UGGT1: variants seen among roughly 807,000 people sequenced by gnomAD.
UGGT1 encodes UDP-glucose:glycoprotein glucosyltransferase 1.
UGGT1 carries 107 observed loss-of-function variants against 203.9 expected under a neutral mutation model. The ratio of observed to expected loss-of-function variants is 0.52; its 90% CI spans 0.45 to 0.62. UGGT1 has a LOEUF of 0.62. Ranked by LOEUF, UGGT1 falls within the 20% of genes least tolerant of loss-of-function variation. The pLI, the probability that UGGT1 is intolerant of heterozygous loss-of-function variation, is 0.00. For synonymous variants in UGGT1, 628 were observed against 653.5 expected (o/e 0.96, Z 0.59); for missense variants, 1,673 against 1,867.2 (o/e 0.90, Z 1.92).
chr2:128,185,434 T>G (rs1423645574), intron 38 of UGGT1, among the ~76,000 whole-genome samples: 39 of 150,972 alleles, frequency 2.6e-4, no homozygotes, highest in Non-Finnish European at 4.1e-4. Flanking sequence ...CCTCCCAAAG[T>G]GCTGGGATTG....
rs1299076449 is a variant in UGGT1, at chr2:128,127,303, T to C, written c.1135-58T>C. 4 of 1,270,288 alleles carry C rather than the reference T, an allele frequency of 3.1e-6. No homozygotes were observed. The South Asian group carries it at 5.1e-5, about 16-fold the overall frequency. 78.7% of individuals were successfully genotyped at this position (1,270,288 alleles called of 1,614,324 possible). On this transcript the variant is annotated intron_variant, in intron 11 of 40. Transcript: ENST00000259253. ...TACAGGTAGTGAAGCCCAGAAACAA[T>C]AAAATTTTTTTTAAAACATTCTCTC...
chr2:128,138,851 A>G lies in UGGT1; in HGVS notation c.1718A>G (p.His573Arg), dbSNP rs759067675. ...TATCATGCCTTCCAGACTCTGACAC[A>G]TGTACGTTTTTGTTCAGAATGGCAA... is the stretch of plus-strand genomic sequence containing the variant. Reference protein sequence around the residue: ...DDYHAFQTLTHIYNKVRTGEK... With the variant: ...DDYHAFQTLTRIYNKVRTGEK... Residue 573 changes from histidine to arginine, a missense_variant and splice_region_variant, in exon 16 of 41, where the codon CAT becomes CGT. Transcript: ENST00000259253. 10 of 1,611,914 alleles carry G rather than the reference A, an allele frequency of 6.2e-6. No homozygotes were observed. In the East Asian group the frequency reaches 6.7e-5, roughly 11 times the overall value.
At chr2:128,104,064 A>G in intron 3 of UGGT1, 50 bp downstream of exon 3, 1 of 1,437,890 alleles carries the variant, frequency 7.0e-7, no homozygotes, top group Admixed American at 2.4e-5. Context: ...GGAAAATATT[A>G]GGAAAAAATT....
At chr2:128,161,356 T>C in intron 25 of UGGT1, 88 bp downstream of exon 25, 3 of 1,440,782 alleles carry the variant, frequency 2.1e-6, no homozygotes, top group Admixed American at 2.1e-5. Context: ...TTACTCATAC[T>C]ACATATCCCA....
At chr2:128,146,866 G>T (rs1689714142) in intron 18 of UGGT1, among the ~76,000 whole-genome samples, 1 of 152,204 alleles carries the variant, frequency 6.6e-6, no homozygotes, top group African/African-American at 2.4e-5. Flanking sequence ...AGAACAGGAT[G>T]ATATTGGACA....
intron 8 of UGGT1, among the ~76,000 whole-genome samples, chr2:128,118,740 ACAGGCT>A (rs1460391550): frequency 6.6e-6 from 1 of 151,644 alleles, no homozygotes; most frequent in African/African-American, 2.4e-5. Context: ...TTTGTTTGAG[ACAGGCT>A]CAGTCTGTCA....
At position 128,161,206 on chromosome 2, in the gene UGGT1, C is replaced by T. The variant is rs1272717329; in HGVS notation, c.2763C>T (p.Ile921=). 1 of 1,614,018 alleles carries T rather than the reference C, an allele frequency of 6.2e-7. No individual in the cohort carries two copies. The highest frequency in any genetic ancestry group is 8.5e-7 in the Non-Finnish European group (1 of 1,179,970). Residue 921 remains isoleucine (I), a synonymous_variant, in exon 25 of 41, where the codon ATC becomes ATT. Transcript: ENST00000259253. ...QDDFHLLENI[I]LKTSGQKIKS... Reference sequence around the variant, plus strand: ...ATTTCCACCTCCTCGAAAATATCATCTTAAAAACCTCAGGACAGAAAATAA... The same window carrying T: ...ATTTCCACCTCCTCGAAAATATCATTTTAAAAACCTCAGGACAGAAAATAA...
At chr2:128,187,405 G>T (rs766723028) in intron 39 of UGGT1, 44 bp from the exon 40 acceptor site, 1 of 1,586,484 alleles carries the variant, frequency 6.3e-7, no homozygotes, top group South Asian at 1.1e-5. Flanking sequence ...CTATCATGTG[G>T]CCTTTCTTCA....
chr2:128,129,166 G>A lies in UGGT1; in HGVS notation c.1364G>A (p.Ser455Asn), dbSNP rs762314655. ...SEADYAVDIR[S>N]PAISWVNNLE... ...GCAGACTATGCCGTAGACATCCGGA[G>A]TCCTGCTATTTCAGTGAGTATTTTG... The change falls in exon 13 of 41, where the codon AGT becomes AAT. Residue 455 changes from serine to asparagine, a missense_variant. Coordinates refer to ENST00000259253, the MANE Select transcript of UGGT1 (RefSeq NM_020120.4). 1.1e-5 allele frequency: 18 copies of A among 1,609,062 alleles called. No individual in the cohort carries two copies. Among genetic ancestry groups the A allele is most frequent in the Non-Finnish European group, 1.5e-5 (18 of 1,178,912 alleles).
chr2:128,098,783 G>A (rs891234316), intron 2 of UGGT1, among the ~76,000 whole-genome samples: 2 of 151,110 alleles, frequency 1.3e-5, no homozygotes, highest in African/African-American at 4.9e-5. Flanking sequence ...GTTATCTTAC[G>A]ATTAAAATGG....
chr2:128,146,062 A>G (rs1400133403), intron 18 of UGGT1, 95 bp downstream of exon 18: 9 of 1,463,106 alleles, frequency 6.2e-6, no homozygotes, highest in South Asian at 1.2e-5. Flanking sequence ...TAGTATCACT[A>G]TTTGGGAGGC....
intron 16 of UGGT1, among the ~76,000 whole-genome samples, chr2:128,141,414 T>C (rs1356418865): frequency 6.6e-6 from 1 of 151,996 alleles, no homozygotes; most frequent in Non-Finnish European, 1.5e-5. Flanking sequence ...CCATCCTGGC[T>C]TTAACACAGT....
At chr2:128,186,454 A>G (rs953718243) in intron 38 of UGGT1, among the ~76,000 whole-genome samples, 2 of 152,060 alleles carry the variant, frequency 1.3e-5, no homozygotes, top group East Asian at 3.8e-4. Flanking sequence ...TAAAAATACA[A>G]AAATTGGCCA....
intron 26 of UGGT1, 45 bp downstream of exon 26, chr2:128,164,870 C>T (rs1204824831): frequency 6.9e-7 from 1 of 1,439,392 alleles, no homozygotes; most frequent in Non-Finnish European, 9.4e-7. Flanking sequence ...GAATATTAAA[C>T]TCTTATGTTT....
Position 128,185,293 on chromosome 2 carries a change from G to A in UGGT1, c.4360-1390G>A, listed in dbSNP as rs796424510. ...CAGCTCACTGCAACCTCAGCCTCCC[G>A]AGCAGGTGGGATTACAGAGGCGTGC... On this transcript the variant is annotated intron_variant, in intron 38 of 40. Coordinates refer to ENST00000259253, the MANE Select transcript of UGGT1 (RefSeq NM_020120.4). Among the ~76,000 whole-genome samples the A allele has an allele frequency of 4.1e-5, 6 of 146,366 alleles. 1 individual carries two copies. Among genetic ancestry groups the A allele is most frequent in the African/African-American group, 1.5e-4 (6 of 39,490 alleles).
At chr2:128,185,832 A>G (rs773213232) in intron 38 of UGGT1, among the ~76,000 whole-genome samples, 5 of 152,178 alleles carry the variant, frequency 3.3e-5, no homozygotes, top group African/African-American at 7.2e-5. Context: ...ATCGCAGTCA[A>G]TCATTTCTGT....
intron 13 of UGGT1, among the ~76,000 whole-genome samples, chr2:128,131,701 C>T (rs1395234104): frequency 1.3e-5 from 2 of 152,150 alleles, no homozygotes; most frequent in Non-Finnish European, 2.9e-5. Flanking sequence ...GATCTCAGCT[C>T]ACTGCAACTT....
chr2:128,126,668 C>A (rs571785992), intron 11 of UGGT1, among the ~76,000 whole-genome samples: 1 of 149,410 alleles, frequency 6.7e-6, no homozygotes, highest in African/African-American at 2.5e-5. Context: ...ATGCTATTCA[C>A]CAGCTCAGGG....
At chr2:128,165,847 C>A (rs1000367964) in intron 26 of UGGT1, among the ~76,000 whole-genome samples, 11 of 152,058 alleles carry the variant, frequency 7.2e-5, no homozygotes, top group Non-Finnish European at 1.6e-4. Context: ...CTGCACCTTC[C>A]GCCTTCTGGG....
Sources: gnomAD v4.1 joint callset for allele counts (sites outside exome capture counted in the v4.1 genomes callset) on GRCh38, gnomAD v4.1.1 for gene constraint, MANE v1.5 for transcripts, NCBI Gene and HGNC (gene_info 2026-07-23, HGNC 2026-07-21) for gene names.